CLPTM1L: variants seen among roughly 807,000 people sequenced by gnomAD.
CLPTM1L encodes lipid scramblase CLPTM1L.
In CLPTM1L, 38 loss-of-function variants were observed where a neutral mutation model predicts 70.9. The ratio of observed to expected loss-of-function variants is 0.54; its 90% confidence interval spans 0.41 to 0.70. The LOEUF (loss-of-function observed/expected upper bound fraction) is 0.70, where lower values mean the gene tolerates loss of function less well. Among genes scored for constraint, CLPTM1L ranks in the 30% least tolerant of loss-of-function variants. CLPTM1L has a pLI of 0.00. For missense variants in CLPTM1L, 652 were observed against 705.9 expected (o/e 0.92, Z 0.87); for synonymous variants, 339 against 299.9 (o/e 1.13, Z -1.35).
chr5:1,338,720 G>T (rs978980163), intron 4 of CLPTM1L, 140 bp downstream of exon 4: 1 of 918,036 alleles, frequency 1.1e-6, no homozygotes, highest in Non-Finnish European at 1.7e-6. Context: ...GAGGAAGTGG[G>T]AAAGAGCTGG....
intron 9 of CLPTM1L, among the ~76,000 whole-genome samples, chr5:1,327,194 A>G (rs1323779134): frequency 4.5e-4 from 54 of 120,474 alleles, no homozygotes; most frequent in East Asian, 2.6e-3. Context: ...TCCTCTACAG[A>G]CACATTCCAT....
intron 12 of CLPTM1L, among the ~76,000 whole-genome samples, 157 bp downstream of exon 12, chr5:1,323,630 C>T (rs895213941): frequency 6.6e-6 from 1 of 152,170 alleles, no homozygotes; most frequent in African/African-American, 2.4e-5. Flanking sequence ...GCCCAGAGCC[C>T]ACCGTGTGCA....
chr5:1,332,843 T>C (rs1437692467), intron 7 of CLPTM1L, among the ~76,000 whole-genome samples: 2 of 152,258 alleles, frequency 1.3e-5, no homozygotes, highest in Non-Finnish European at 2.9e-5. Flanking sequence ...ATTACGTTAT[T>C]TGATACACAT....
chr5:1,344,629 G>GGA (rs759342384), intron 1 of CLPTM1L, 51 bp downstream of exon 1: 2 of 1,527,538 alleles, frequency 1.3e-6, no homozygotes, highest in South Asian at 2.4e-5. Flanking sequence ...GGGGCCTGGA[G>GGA]GAGAGGCCCC....
intron 12 of CLPTM1L, among the ~76,000 whole-genome samples, chr5:1,323,348 G>A (rs542630996): frequency 1.6e-3 from 208 of 131,520 alleles, no homozygotes; most frequent in African/African-American, 5.1e-3. Flanking sequence ...CAGAGGCTGG[G>A]GGCTCCGGGA....
intron 9 of CLPTM1L, chr5:1,326,238 G>A (rs897015604): frequency 2.0e-5 from 5 of 248,700 alleles, no homozygotes; most frequent in East Asian, 1.1e-4. Context: ...TGCCAGAGCC[G>A]GGCACGGCAC....
At position 1,323,609 on chromosome 5, in the gene CLPTM1L, G is replaced by A. The variant is rs1752318799; in HGVS notation, c.1280+178C>T. 3.3e-5 allele frequency among the ~76,000 whole-genome samples: 5 copies of A among 152,174 alleles called. No individual in the cohort carries two copies. In the South Asian group the frequency reaches 1.0e-3, roughly 31 times the overall value. On this transcript the variant is annotated intron_variant, in intron 12 of 16. Coordinates refer to ENST00000320895, the MANE Select transcript of CLPTM1L (RefSeq NM_030782.5). ...GTCCTCTCAGCTACACCTTACCAGG[G>A]GGACACTGAGGCCCAGAGCCCACCG... is the stretch of plus-strand genomic sequence containing the variant.
intron 4 of CLPTM1L, 143 bp downstream of exon 4, chr5:1,338,717 T>C (rs1753741318): frequency 4.6e-6 from 4 of 868,670 alleles, no homozygotes; most frequent in Non-Finnish European, 3.6e-6. Context: ...AATGAGGAAG[T>C]GGGAAAGAGC....
intron 10 of CLPTM1L, chr5:1,325,154 G>A (rs1579623752): frequency 2.6e-6 from 1 of 381,058 alleles, no homozygotes; most frequent in South Asian, 4.4e-5. Context: ...AGCCGGCCGG[G>A]AGCCATGGGG....
chr5:1,323,932 G>A (rs1752344543), intron 11 of CLPTM1L, 63 bp from the exon 12 acceptor site: 5 of 1,253,022 alleles, frequency 4.0e-6, no homozygotes, highest in South Asian at 3.6e-5. Context: ...TAAACACACT[G>A]CATGGAGCTC....
chr5:1,324,830 C>T lies in CLPTM1L; in HGVS notation c.1147-17G>A. 1 of 1,611,338 alleles carries T rather than the reference C, an allele frequency of 6.2e-7. No homozygotes were observed. The highest frequency in any genetic ancestry group is 1.6e-4 in the Middle Eastern group (1 of 6,062). ...AGTGCCAAACTGTTGTGAAATTCAA[C>T]ACAGTGATATTAATAGACTCAGGGA... On this transcript the variant is annotated splice_polypyrimidine_tract_variant and intron_variant, in intron 10 of 16. Transcript: ENST00000320895.
chr5:1,319,328 G>A (rs985900113), intron 16 of CLPTM1L, among the ~76,000 whole-genome samples: 57 of 134,978 alleles, frequency 4.2e-4, no homozygotes, highest in Non-Finnish European at 6.4e-4. Flanking sequence ...TGGAGCTCCC[G>A]TGCAGGGGCT....
At chr5:1,319,620 C>G (rs1230236093) in intron 16 of CLPTM1L, among the ~76,000 whole-genome samples, 10 of 152,298 alleles carry the variant, frequency 6.6e-5, no homozygotes, top group Non-Finnish European at 1.3e-4. Flanking sequence ...AAGAGGATCC[C>G]TCTCCTGCAC....
Position 1,318,487 on chromosome 5 carries a change from C to G in CLPTM1L, c.1533-34G>C, listed in dbSNP as rs774266513. The G allele has an allele frequency of 6.4e-7, 1 of 1,553,508 alleles. No individual in the cohort carries two copies. Among genetic ancestry groups the G allele is most frequent in the Admixed American group, 1.7e-5 (1 of 59,204 alleles). ...ACACAAATGAGCACATCAGCAAACC[C>G]CACTGCAGGGGCTATTTTTCTAAGA... On this transcript the variant is annotated intron_variant, in intron 16 of 16. Transcript: ENST00000320895. The surrounding 1 kb of genome is among the most constrained non-coding windows in gnomAD (Gnocchi z 8.9).
intron 12 of CLPTM1L, 137 bp from the exon 13 acceptor site, chr5:1,323,048 C>T: frequency 5.9e-6 from 5 of 850,762 alleles, no homozygotes; most frequent in Non-Finnish European, 9.6e-6. Context: ...CAGCCAAGAG[C>T]AGCAGTGCTG....
intron 2 of CLPTM1L, among the ~76,000 whole-genome samples, chr5:1,343,477 C>G (rs540850483): frequency 6.6e-6 from 1 of 152,172 alleles, no homozygotes; most frequent in African/African-American, 2.4e-5. Context: ...CGGCCCGGCA[C>G]GGAAGAGGCA....
At chr5:1,337,189 A>C (rs1181547947) in intron 5 of CLPTM1L, among the ~76,000 whole-genome samples, 1 of 152,222 alleles carries the variant, frequency 6.6e-6, no homozygotes, top group Non-Finnish European at 1.5e-5. Context: ...AAACAACGCC[A>C]CAGCTCCCAG....
At chr5:1,321,438 A>G (rs772958266) in intron 15 of CLPTM1L, among the ~76,000 whole-genome samples, 197 bp downstream of exon 15, 15 of 152,230 alleles carry the variant, frequency 9.9e-5, no homozygotes, top group Admixed American at 5.9e-4. Flanking sequence ...GAACCACCCC[A>G]GTCTTTCAGG....
chr5:1,337,309 G>A (rs1337718252), intron 5 of CLPTM1L, among the ~76,000 whole-genome samples: 1 of 152,210 alleles, frequency 6.6e-6, no homozygotes, highest in Non-Finnish European at 1.5e-5. Flanking sequence ...CCAAAGGTTG[G>A]CCACATTTCA....
Sources: gnomAD v4.1 joint callset for allele counts (sites outside exome capture counted in the v4.1 genomes callset) on GRCh38, gnomAD v4.1.1 for gene constraint, Gnocchi (gnomAD v3.1) non-coding constraint, MANE v1.5 for transcripts, NCBI Gene and HGNC (gene_info 2026-07-23, HGNC 2026-07-21) for gene names.